Variants in VGLL3 observed in about 807,000 individuals in gnomAD.
VGLL3 encodes the protein vestigial like family member 3, also known as transcription cofactor vestigial-like protein 3.
A neutral mutation model predicts 29.2 loss-of-function variants in VGLL3; 18 were observed. That is an observed-to-expected ratio of 0.62 (90% CI 0.43 to 0.91). VGLL3 has a LOEUF of 0.91. Ranked by LOEUF, VGLL3 falls within the 40% of genes least tolerant of loss-of-function variation. The pLI is 0.00. For synonymous variants in VGLL3, 180 were observed against 151.8 expected, an observed-to-expected ratio of 1.19 and a Z score of -1.36; for missense variants, 440 against 413.2, an observed-to-expected ratio of 1.06 and a Z score of -0.56.
rs552965256 is a variant in VGLL3 at position 86,968,637 on chromosome 3, G to T, written c.890C>A (p.Ala297Asp). ...VTSATSAWAG[A>D]FHGTVDIVPS... ...CACTATGTCTACTGTTCCATGAAAG[G>T]CTCCAGCCCATGCTGAGGTAGCAGA... Residue 297 changes from alanine (A) to aspartate (D), a missense_variant, in exon 3 of 4, where the codon GCC becomes GAC. Coordinates refer to ENST00000398399, the MANE Select transcript of VGLL3 (RefSeq NM_016206.4). 2 of 1,614,196 alleles carry T rather than the reference G, an allele frequency of 1.2e-6. No homozygotes were observed. The highest frequency in any genetic ancestry group is 3.3e-5 in the Admixed American group (2 of 60,024).
At position 86,990,762 on chromosome 3, in the gene VGLL3, G is replaced by T; in HGVS notation, c.-19C>A. On this transcript the variant is annotated 5_prime_UTR_variant, in exon 1 of 4. Coordinates refer to ENST00000398399, the MANE Select transcript of VGLL3 (RefSeq NM_016206.4). ...AACTCATGGCAGCCGGGGCAGTGGC[G>T]GCCCCCGAGCTGCCGCCGCCGCTCT... The T allele has an allele frequency of 7.7e-7, 1 of 1,297,722 alleles. No homozygotes were observed. The highest frequency in any genetic ancestry group is 3.0e-5 in the South Asian group (1 of 33,604). 80.4% of individuals were successfully genotyped at this position (1,297,722 alleles called of 1,614,324 possible).
Position 86,945,429 on chromosome 3 carries a change from G to A in VGLL3, c.*1595C>T, listed in dbSNP as rs974539397. ...ATTTTATGTGGGTGGAGAGAAAAATGGGAGAAATTTGAAAAAACCTCTTTA... is the reference window on the plus strand; with the variant it reads ...ATTTTATGTGGGTGGAGAGAAAAATAGGAGAAATTTGAAAAAACCTCTTTA... On this transcript the variant is annotated 3_prime_UTR_variant, in exon 4 of 4. Transcript: ENST00000398399. The A allele has an allele frequency of 2.0e-5, 3 of 152,068 alleles. No homozygotes were observed. Among genetic ancestry groups the A allele is most frequent in the Admixed American group, 1.3e-4 (2 of 15,258 alleles). The allele number at this position is 152,068 out of a possible 1,614,324, so 9.4% of individuals were successfully genotyped here. A position where few individuals can be genotyped will look rare whatever the true frequency, so the allele number is the denominator to read the frequency against.
intron 1 of VGLL3, among the ~76,000 whole-genome samples, chr3:86,982,683 CT>C (rs1322963517): frequency 6.6e-6 from 1 of 152,106 alleles, no homozygotes. Context: ...CAATCACTTC[CT>C]AAAAATATCC....
chr3:86,989,570 A>G (rs1705534775), intron 1 of VGLL3, among the ~76,000 whole-genome samples: 1 of 152,218 alleles, frequency 6.6e-6, no homozygotes, highest in East Asian at 1.9e-4. Context: ...CAAACCTAAG[A>G]AGGTTTGCAA....
intron 3 of VGLL3, among the ~76,000 whole-genome samples, chr3:86,960,357 C>G (rs1179510872): frequency 6.6e-6 from 1 of 152,046 alleles, no homozygotes; most frequent in Non-Finnish European, 1.5e-5. Flanking sequence ...ACAAGCTGTC[C>G]ATGAAGAGAA....
intron 1 of VGLL3, chr3:86,990,299 C>T: frequency 1.0e-6 from 1 of 985,264 alleles, no homozygotes; most frequent in South Asian, 4.7e-5. Flanking sequence ...AGTTTACTCA[C>T]ATGGTCCTAA....
At chr3:86,963,457 A>G (rs1248690252) in intron 3 of VGLL3, among the ~76,000 whole-genome samples, 1 of 152,216 alleles carries the variant, frequency 6.6e-6, no homozygotes, top group East Asian at 1.9e-4. Context: ...AGTTATTCCT[A>G]AGAGGAATAG....
intron 3 of VGLL3, among the ~76,000 whole-genome samples, chr3:86,959,114 C>G (rs975874312): frequency 1.3e-5 from 2 of 152,002 alleles, no homozygotes; most frequent in Non-Finnish European, 2.9e-5. Flanking sequence ...TCTAACTATC[C>G]TAGCTGAGAT....
rs568081541 is a variant in VGLL3 at position 86,943,300 on chromosome 3, C to T, written c.*3724G>A. On this transcript the variant is annotated 3_prime_UTR_variant, in exon 4 of 4. Transcript: ENST00000398399. ...GCAAACACTATTTAAAGAAGGGACA[C>T]TCAGTAAGGAATAGAATACAGGTTC... is the stretch of plus-strand genomic sequence containing the variant. 6.6e-6 allele frequency: 1 copy of T among 152,294 alleles called. No individual in the cohort carries two copies. Among genetic ancestry groups the T allele is most frequent in the Non-Finnish European group, 1.5e-5 (1 of 68,026 alleles). The allele number at this position is 152,294 out of a possible 1,614,324, so 9.4% of individuals were successfully genotyped here.
chr3:86,952,479 T>TAACC, intron 3 of VGLL3, among the ~76,000 whole-genome samples: 3 of 152,062 alleles, frequency 2.0e-5, no homozygotes, highest in Non-Finnish European at 4.4e-5. Flanking sequence ...ATAAAAGAGG[T>TAACC]AACCATACAA....
At chr3:86,959,679 CT>C (rs1320506677) in intron 3 of VGLL3, among the ~76,000 whole-genome samples, 1 of 151,924 alleles carries the variant, frequency 6.6e-6, no homozygotes, top group Non-Finnish European at 1.5e-5. Flanking sequence ...TCCTTTAGTC[CT>C]TTTTGTAAAT....
rs200145268 is a variant in VGLL3 at position 86,968,670 on chromosome 3, G to A, written c.857C>T (p.Thr286Ile). The A allele has an allele frequency of 5.3e-5, 85 of 1,614,208 alleles. 1 individual carries two copies. The East Asian group carries it at 1.7e-3, about 32-fold the overall frequency. Residue 286 changes from threonine (T) to isoleucine (I), a missense_variant, in exon 3 of 4, where the codon ACA becomes ATA. Coordinates refer to ENST00000398399, the MANE Select transcript of VGLL3 (RefSeq NM_016206.4). Reference sequence around the variant, plus strand: ...CCATGCTGAGGTAGCAGAGGTGACTGTAGTTGGTTCTGTCTTTGTGATGTC... The same window carrying A: ...CCATGCTGAGGTAGCAGAGGTGACTATAGTTGGTTCTGTCTTTGTGATGTC... Reference protein sequence around the residue: ...QCDITKTEPTTVTSATSAWAG... With the variant: ...QCDITKTEPTIVTSATSAWAG...
chr3:86,987,286 G>C (rs1041632472), intron 1 of VGLL3, among the ~76,000 whole-genome samples: 2 of 152,158 alleles, frequency 1.3e-5, no homozygotes, highest in African/African-American at 2.4e-5. Context: ...AGAGTCCAGA[G>C]AGAGTTTGAA....
rs79409708 is a variant in VGLL3 at position 86,949,028 on chromosome 3, T to C, written c.938-1961A>G. On this transcript the variant is annotated intron_variant, in intron 3 of 3. Transcript: ENST00000398399. The stretch of plus-strand genomic sequence containing the variant: ...ATCTCATCCTCTGTATGACTCAGGA[T>C]TTCCACACTTGAAGACTGCATCAAT... Among the ~76,000 whole-genome samples the C allele has an allele frequency of 7.9e-4, 120 of 152,342 alleles. 3 individuals are homozygous for C. In the East Asian group the frequency reaches 0.021, roughly 27 times the overall value.
At chr3:86,980,670 T>A (rs1482602433) in intron 1 of VGLL3, among the ~76,000 whole-genome samples, 1 of 152,118 alleles carries the variant, frequency 6.6e-6, no homozygotes, top group Non-Finnish European at 1.5e-5. Flanking sequence ...CTAAAACTAT[T>A]CCTAGTTTTA....
chr3:86,987,463 G>A (rs1705471953), intron 1 of VGLL3, among the ~76,000 whole-genome samples: 1 of 152,086 alleles, frequency 6.6e-6, no homozygotes, highest in South Asian at 2.1e-4. Context: ...AAATCCCCAT[G>A]CACAATTAGA....
intron 3 of VGLL3, among the ~76,000 whole-genome samples, chr3:86,963,273 T>C (rs550704625): frequency 6.6e-6 from 1 of 152,292 alleles, no homozygotes; most frequent in South Asian, 2.1e-4. Flanking sequence ...AGAATGACTT[T>C]ATGATAGATG....
chr3:86,943,034 T>C lies in VGLL3; in HGVS notation c.*3990A>G, dbSNP rs533679495. On this transcript the variant is annotated 3_prime_UTR_variant, in exon 4 of 4. Coordinates refer to ENST00000398399, the MANE Select transcript of VGLL3 (RefSeq NM_016206.4). ...GTCTGTGTGTGTGTGTGTGTGTATG[T>C]GATTTCCAACTTCCAGAGCCTGCCT... 6.6e-6 allele frequency: 1 copy of C among 152,048 alleles called. No individual in the cohort carries two copies. The highest frequency in any genetic ancestry group is 2.1e-4 in the South Asian group (1 of 4,818). The allele number at this position is 152,048 out of a possible 1,614,324, so 9.4% of individuals were successfully genotyped here.
At chr3:86,955,722 C>G (rs1704707841) in intron 3 of VGLL3, among the ~76,000 whole-genome samples, 1 of 152,092 alleles carries the variant, frequency 6.6e-6, no homozygotes, top group Non-Finnish European at 1.5e-5. Flanking sequence ...TGAACAGAAG[C>G]TCGCTCTCTG....
Sources: gnomAD v4.1 joint callset for allele counts (sites outside exome capture counted in the v4.1 genomes callset) on GRCh38, gnomAD v4.1.1 for gene constraint, MANE v1.5 for transcripts, NCBI Gene and HGNC (gene_info 2026-07-23, HGNC 2026-07-21) for gene names.